Variants in SRRM4 observed in about 807,000 individuals in gnomAD.
SRRM4 encodes serine/arginine repetitive matrix protein 4.
In SRRM4, 33 loss-of-function variants were observed where a neutral mutation model predicts 68.9. That is an observed-to-expected ratio of 0.48 (90% confidence interval 0.36 to 0.64). The LOEUF is 0.64. Among genes scored for constraint, SRRM4 ranks in the 30% least tolerant of loss-of-function variants. The pLI is 0.00. For missense variants in SRRM4, 817 were observed against 827.1 expected (o/e 0.99, Z 0.15); for synonymous variants, 318 against 318.8 (o/e 1.00, Z 0.03).
chr12:119,147,914 A>G (rs1016178517), intron 9 of SRRM4, among the ~76,000 whole-genome samples: 8 of 152,206 alleles, frequency 5.3e-5, no homozygotes, highest in African/African-American at 1.9e-4. Context: ...AGTCTGTACC[A>G]TTCATTCTGT....
chr12:119,081,808 C>G (rs1953949447), intron 1 of SRRM4, among the ~76,000 whole-genome samples: 8 of 152,208 alleles, frequency 5.3e-5, no homozygotes, highest in Admixed American at 3.3e-4. Flanking sequence ...AAGTTAGCAT[C>G]TAGATTTGCT....
chr12:119,040,068 G>A (rs1164831976), intron 1 of SRRM4, among the ~76,000 whole-genome samples: 2 of 152,154 alleles, frequency 1.3e-5, no homozygotes, highest in African/African-American at 4.8e-5. Context: ...TGGAGAAAGA[G>A]TGGATAGAAG....
intron 2 of SRRM4, among the ~76,000 whole-genome samples, chr12:119,111,759 G>A (rs1954145027): frequency 6.6e-6 from 1 of 152,264 alleles, no homozygotes; most frequent in Middle Eastern, 3.4e-3. Flanking sequence ...GAAATAATTT[G>A]GTGGCCGGGC....
At chr12:119,083,369 C>A (rs1953961107) in intron 1 of SRRM4, among the ~76,000 whole-genome samples, 1 of 152,086 alleles carries the variant, frequency 6.6e-6, no homozygotes, top group Admixed American at 6.6e-5. Context: ...GAAGCCTTCC[C>A]TGATTTCTGC....
chr12:119,118,935 T>G (rs1954199851), intron 4 of SRRM4, among the ~76,000 whole-genome samples: 1 of 152,118 alleles, frequency 6.6e-6, no homozygotes, highest in South Asian at 2.1e-4. Context: ...TCCCAAACCC[T>G]GACCTCCCGA....
At chr12:118,996,088 T>C (rs1953347933) in intron 1 of SRRM4, among the ~76,000 whole-genome samples, 1 of 152,234 alleles carries the variant, frequency 6.6e-6, no homozygotes, top group African/African-American at 2.4e-5. Context: ...TCTTCACCAT[T>C]TCCCCACATT....
chr12:119,118,709 TG>T (rs1009258257), intron 4 of SRRM4, among the ~76,000 whole-genome samples: 2 of 152,196 alleles, frequency 1.3e-5, no homozygotes, highest in African/African-American at 4.8e-5. Context: ...CCTCCCAATT[TG>T]GGGGTTCGCT....
chr12:119,054,763 A>T (rs1203059913), intron 1 of SRRM4, among the ~76,000 whole-genome samples: 1 of 152,220 alleles, frequency 6.6e-6, no homozygotes, highest in East Asian at 1.9e-4. Flanking sequence ...GCTATTCTCC[A>T]TGATGTTGAT....
At chr12:119,049,366 T>C (rs139556305) in intron 1 of SRRM4, among the ~76,000 whole-genome samples, 1 of 152,206 alleles carries the variant, frequency 6.6e-6, no homozygotes, top group East Asian at 1.9e-4. Context: ...TTGGAGCAAT[T>C]TGAGAGAAGA....
intron 1 of SRRM4, among the ~76,000 whole-genome samples, chr12:119,084,744 G>C (rs1000620741): frequency 6.6e-6 from 1 of 152,126 alleles, no homozygotes; most frequent in African/African-American, 2.4e-5. Flanking sequence ...AATTGCAATG[G>C]AGGGGGATTG....
At chr12:119,141,649 C>T (rs1403725522) in intron 8 of SRRM4, among the ~76,000 whole-genome samples, 1 of 152,144 alleles carries the variant, frequency 6.6e-6, no homozygotes, top group Admixed American at 6.5e-5. Context: ...TTCAAAGGAC[C>T]GGAGAGCAAA....
At chr12:119,044,467 A>T (rs1240335067) in intron 1 of SRRM4, among the ~76,000 whole-genome samples, 1 of 152,084 alleles carries the variant, frequency 6.6e-6, no homozygotes, top group Non-Finnish European at 1.5e-5. Context: ...GACTCCAGGG[A>T]GGAGAATGGA....
intron 6 of SRRM4, 151 bp from the exon 7 acceptor site, chr12:119,125,230 C>G: frequency 1.5e-6 from 1 of 662,630 alleles, no homozygotes; most frequent in Non-Finnish European, 2.6e-6. Flanking sequence ...GGAAGCTGGA[C>G]TAACGCATGG....
At chr12:119,097,101 C>A (rs910776411) in intron 1 of SRRM4, among the ~76,000 whole-genome samples, 2 of 152,108 alleles carry the variant, frequency 1.3e-5, no homozygotes, top group African/African-American at 4.8e-5. Flanking sequence ...TTTTAGCTGT[C>A]CCCAAAGATT....
At chr12:119,040,958 T>C (rs552902755) in intron 1 of SRRM4, among the ~76,000 whole-genome samples, 39 of 152,072 alleles carry the variant, frequency 2.6e-4, no homozygotes, top group Non-Finnish European at 3.8e-4. Flanking sequence ...GGTTTCACCA[T>C]GCTGGCCAGG....
chr12:119,079,852 A>G (rs982915330), intron 1 of SRRM4, among the ~76,000 whole-genome samples: 3 of 151,146 alleles, frequency 2.0e-5, no homozygotes, highest in African/African-American at 7.3e-5. Context: ...CTCTCATTTC[A>G]GATATACAAG....
chr12:118,999,613 A>G (rs545438594), intron 1 of SRRM4, among the ~76,000 whole-genome samples: 4 of 152,360 alleles, frequency 2.6e-5, no homozygotes, highest in Non-Finnish European at 4.4e-5. Flanking sequence ...TATAATAACA[A>G]CAGTGTATGT....
rs374943920 is a variant in SRRM4, at chr12:119,130,672, C to A, written c.615-6C>A. ...AGACCCTCAGGTCTCTCTCCCCCAT[C>A]CCCAGGCACCGCGGCCGGTCCCCTG... is the stretch of plus-strand genomic sequence containing the variant. On this transcript the variant is annotated splice_polypyrimidine_tract_variant and splice_region_variant and intron_variant, in intron 7 of 12. Coordinates refer to ENST00000267260, the MANE Select transcript of SRRM4 (RefSeq NM_194286.4). The A allele has an allele frequency of 6.3e-5, 101 of 1,608,178 alleles. No homozygotes were observed. The highest frequency in any genetic ancestry group is 7.8e-5 in the Non-Finnish European group (92 of 1,177,994).
chr12:119,125,718 A>T (rs1954254675), intron 7 of SRRM4, among the ~76,000 whole-genome samples: 1 of 152,006 alleles, frequency 6.6e-6, no homozygotes, highest in Non-Finnish European at 1.5e-5. Flanking sequence ...TCAGGAGTTC[A>T]AGACCAGCCT....
Sources: gnomAD v4.1 joint callset for allele counts (sites outside exome capture counted in the v4.1 genomes callset) on GRCh38, gnomAD v4.1.1 for gene constraint, MANE v1.5 for transcripts, NCBI Gene and HGNC (gene_info 2026-07-23, HGNC 2026-07-21) for gene names.